ZNF518A: variants seen among roughly 807,000 people sequenced by gnomAD.
ZNF518A encodes the protein zinc finger protein 518A.
In ZNF518A, 47 loss-of-function variants were observed where a neutral mutation model predicts 102.7. The ratio of observed to expected loss-of-function variants is 0.46; its 90% CI spans 0.36 to 0.58. The LOEUF (loss-of-function observed/expected upper bound fraction) is 0.58. ZNF518A is among the 20% of genes least tolerant of loss of function. The probability of loss-of-function intolerance (pLI) is 0.00; values close to 1 mark genes in which losing one functional copy is unlikely to be tolerated. For synonymous variants in ZNF518A, 652 were observed against 594.6 expected (o/e 1.10, Z -1.40); for missense variants, 1,793 against 1,699.8 (o/e 1.05, Z -0.96).
At position 96,197,428 on chromosome 10, in the gene ZNF518A, C is replaced by T. The variant is rs146316872; in HGVS notation, n.36-6146C>T. Reference sequence around the variant, plus strand: ...CAAGCGATCCTCCCACCTCAGCCTCCTGAGTACCTGGGACTACTGGCATGC... The same window carrying T: ...CAAGCGATCCTCCCACCTCAGCCTCTTGAGTACCTGGGACTACTGGCATGC... On this transcript the variant is annotated intron_variant and non_coding_transcript_variant, in intron 1 of 2. Coordinates refer to the ZNF518A transcript ENST00000442635. 5.2e-3 allele frequency among the ~76,000 whole-genome samples: 797 copies of T among 152,274 alleles called. 6 individuals are homozygous for T. The highest frequency in any genetic ancestry group is 0.012 in the South Asian group (60 of 4,822).
chr10:96,174,676 T>G (rs2083192893), intron 1 of ZNF518A, among the ~76,000 whole-genome samples: 1 of 151,896 alleles, frequency 6.6e-6, no homozygotes, highest in Non-Finnish European at 1.5e-5. Flanking sequence ...CCACAAAAAT[T>G]GTAAGAAAAA....
intron 1 of ZNF518A, among the ~76,000 whole-genome samples, chr10:96,186,879 A>C (rs1172751000): frequency 6.6e-6 from 1 of 152,246 alleles, no homozygotes; most frequent in Non-Finnish European, 1.5e-5. Flanking sequence ...AGGGTCATTC[A>C]CATATTTAGT....
At position 96,160,614 on chromosome 10, in the gene ZNF518A, A is replaced by G. The variant is rs969238723; in HGVS notation, c.4292A>G (p.Lys1431Arg). 4 of 1,612,694 alleles carry G rather than the reference A, an allele frequency of 2.5e-6. No homozygotes were observed. The highest frequency in any genetic ancestry group is 3.4e-6 in the Non-Finnish European group (4 of 1,179,436). The change falls in exon 6 of 6, where the codon AAA becomes AGA. Residue 1431 changes from lysine to arginine, a missense_variant. Around this residue, in one of 3 missense-constraint regions of ZNF518A, gnomAD observed 30 missense variants for 61.1 expected, o/e 0.49. Transcript: ENST00000316045. ...AAATTAACACTCAAAAAGACAAGCA[A>G]AAACAATTACCAGATTGTGAAGACT... ...VLKLTLKKTS[K>R]NNYQIVKTTS...
intron 1 of ZNF518A, chr10:96,189,395 AG>A: frequency 1.7e-6 from 1 of 585,432 alleles, no homozygotes. Flanking sequence ...GATCTTGAAT[AG>A]TCTCCTGGTC....
rs1163745015 is a variant in ZNF518A at position 96,200,408 on chromosome 10, A to C, written n.36-3166A>C. 1.3e-5 allele frequency among the ~76,000 whole-genome samples: 2 copies of C among 152,168 alleles called. No homozygotes were observed. The highest frequency in any genetic ancestry group is 2.4e-5 in the African/African-American group (1 of 41,446). ...TTTCTTTCTTTCTCCTAAATAAGTAATAATCCCCCTTTCCATTGTGCTCTT... is the reference window on the plus strand; with the variant it reads ...TTTCTTTCTTTCTCCTAAATAAGTACTAATCCCCCTTTCCATTGTGCTCTT... On this transcript the variant is annotated intron_variant and non_coding_transcript_variant, in intron 1 of 2. Transcript: ENST00000442635. This position sits in a 1 kb window ranked among gnomAD's most constrained non-coding sequence, Gnocchi z 4.3.
At chr10:96,179,349 G>T (rs2083224834) in intron 1 of ZNF518A, among the ~76,000 whole-genome samples, 1 of 152,074 alleles carries the variant, frequency 6.6e-6, no homozygotes, top group African/African-American at 2.4e-5. Flanking sequence ...CCTCAAAAAA[G>T]AGGATATATG....
chr10:96,136,659 A>T (rs587749614), intron 3 of ZNF518A, among the ~76,000 whole-genome samples: 6 of 151,050 alleles, frequency 4.0e-5, no homozygotes, highest in Admixed American at 1.3e-4. Context: ...ATCTCTATTT[A>T]AAAAAAAATG....
intron 3 of ZNF518A, among the ~76,000 whole-genome samples, chr10:96,142,305 GGTGTGT>G (rs60624825): frequency 0.071 from 7,338 of 103,936 alleles, 207 homozygotes; most frequent in African/African-American, 0.094. Context: ...ATATTCTTAG[GGTGTGT>G]GTGTGTGTGT....
chr10:96,190,568 G>A (rs1554893140), intron 1 of ZNF518A, among the ~76,000 whole-genome samples: 1 of 152,184 alleles, frequency 6.6e-6, no homozygotes, highest in African/African-American at 2.4e-5. Flanking sequence ...AATTATGAAA[G>A]TTTATGACAT....
At chr10:96,194,351 C>A (rs1369291903) in intron 1 of ZNF518A, among the ~76,000 whole-genome samples, 1 of 152,070 alleles carries the variant, frequency 6.6e-6, no homozygotes, top group Non-Finnish European at 1.5e-5. Context: ...TTAAAATTAT[C>A]TGAGACTTTG....
Position 96,157,390 on chromosome 10 carries a change from T to C in ZNF518A, c.1068T>C (p.Thr356=). ...QVLKKMNKTQ[T]KSEDQSHVVQ... is the part of the protein sequence containing the mutation. ...TTAAGAAAATGAACAAAACACAGACTAAATCTGAAGACCAGAGCCATGTTG... is the reference window on the plus strand; with the variant it reads ...TTAAGAAAATGAACAAAACACAGACCAAATCTGAAGACCAGAGCCATGTTG... The change falls in exon 6 of 6, where the codon ACT becomes ACC. Residue 356 remains threonine, a synonymous_variant. Coordinates refer to ENST00000316045, the MANE Select transcript of ZNF518A (RefSeq NM_001330736.2). The C allele has an allele frequency of 6.2e-7, 1 of 1,612,004 alleles. No individual in the cohort carries two copies. The highest frequency in any genetic ancestry group is 8.5e-7 in the Non-Finnish European group (1 of 1,178,982).
upstream of ZNF518A, chr10:96,129,969 T>G (rs587676640): frequency 3.5e-4 from 54 of 152,758 alleles, no homozygotes; most frequent in African/African-American, 1.3e-3. Context: ...CCTGCCGGCC[T>G]CCGTTCTCTT....
intron 1 of ZNF518A, among the ~76,000 whole-genome samples, chr10:96,176,727 C>G (rs2083206619): frequency 6.6e-6 from 1 of 152,160 alleles, no homozygotes; most frequent in Non-Finnish European, 1.5e-5. Context: ...GAAACTCCAT[C>G]TCTACTAAAA....
At chr10:96,196,828 C>T in intron 1 of ZNF518A, 1 of 1,388,182 alleles carries the variant, frequency 7.2e-7, no homozygotes, top group South Asian at 1.2e-5. Flanking sequence ...TTCTCCTCAT[C>T]TCTAGCATCT....
chr10:96,152,093 C>T (rs2082476588), intron 3 of ZNF518A, among the ~76,000 whole-genome samples: 1 of 152,186 alleles, frequency 6.6e-6, no homozygotes, highest in Non-Finnish European at 1.5e-5. Context: ...GAGTGGATCG[C>T]TTGAGCTCAG....
chr10:96,133,502 G>A (rs1554873072), intron 2 of ZNF518A, 81 bp from the exon 3 acceptor site: 2 of 152,048 alleles, frequency 1.3e-5, no homozygotes, highest in Non-Finnish European at 2.9e-5. Flanking sequence ...GAAATGTAGT[G>A]GAAAATATTG....
rs1554886993 is a variant in ZNF518A, at chr10:96,160,209, A to C, written c.3887A>C (p.His1296Pro). The C allele has an allele frequency of 1.2e-6, 2 of 1,611,852 alleles. No homozygotes were observed. Among genetic ancestry groups the C allele is most frequent in the South Asian group, 2.2e-5 (2 of 90,746 alleles). ...QEPPRRKATL[H>P]RKCKEKAKPE... is the part of the protein sequence containing the mutation. ...CCTCCAAGAAGAAAAGCAACATTGC[A>C]TAGAAAGTGTAAAGAAAAGGCAAAA... Residue 1296 changes from histidine (H) to proline (P), a missense_variant, in exon 6 of 6, where the codon CAT becomes CCT. His to Pro is a moderately conservative substitution (Grantham distance 77). Coordinates refer to ENST00000316045, the MANE Select transcript of ZNF518A (RefSeq NM_001330736.2).
At position 96,156,708 on chromosome 10, in the gene ZNF518A, G is replaced by T; in HGVS notation, c.386G>T (p.Arg129Leu). 3 of 1,613,764 alleles carry T rather than the reference G, an allele frequency of 1.9e-6. No individual in the cohort carries two copies. Among genetic ancestry groups the T allele is most frequent in the Non-Finnish European group, 2.5e-6 (3 of 1,179,758 alleles). Reference sequence around the variant, plus strand: ...TGTTTAAAATGCCGAGACAACACTCGATATAGCCCAAATGATTTGCAGAAA... The same window carrying T: ...TGTTTAAAATGCCGAGACAACACTCTATATAGCCCAAATGATTTGCAGAAA... Reference protein sequence around the residue: ...FSCLKCRDNTRYSPNDLQKHF... With the variant: ...FSCLKCRDNTLYSPNDLQKHF... Residue 129 changes from arginine to leucine, a missense_variant, in exon 6 of 6, where the codon CGA becomes CTA. Physicochemically the swap from Arg to Leu is moderately radical, Grantham distance 102 (BLOSUM62 -2). Around this residue, in one of 3 missense-constraint regions of ZNF518A, gnomAD observed 1,741 missense variants for 1,622.6 expected, o/e 1.07. Coordinates refer to ENST00000316045, the MANE Select transcript of ZNF518A (RefSeq NM_001330736.2).
At chr10:96,149,033 A>T (rs2133554785) in intron 3 of ZNF518A, among the ~76,000 whole-genome samples, 1 of 151,640 alleles carries the variant, frequency 6.6e-6, no homozygotes, top group South Asian at 2.1e-4. Flanking sequence ...TTTTTCTTTT[A>T]CCTCAATCTG....
Sources: allele counts gnomAD v4.1 joint callset (sites outside exome capture counted in the v4.1 genomes callset), GRCh38; gene constraint gnomAD v4.1.1; regional missense constraint gnomAD v4.1.1; non-coding constraint Gnocchi (gnomAD v3.1); transcripts MANE v1.5; gene names NCBI Gene and HGNC (gene_info 2026-07-23, HGNC 2026-07-21).